RCAN1: variants seen among roughly 807,000 people sequenced by gnomAD.
RCAN1 encodes calcipressin-1.
In RCAN1, 11 loss-of-function variants were observed where a neutral mutation model predicts 22.9. That is an observed-to-expected ratio of 0.48 (90% CI 0.30 to 0.79). The LOEUF (loss-of-function observed/expected upper bound fraction) is 0.79, where lower values mean the gene tolerates loss of function less well. RCAN1 is among the 30% of genes least tolerant of loss of function. RCAN1 has a pLI of 0.06. For synonymous variants in RCAN1, 136 were observed against 142.3 expected (o/e 0.96, Z 0.32); for missense variants, 291 against 337.8 (o/e 0.86, Z 1.09).
At chr21:34,530,448 T>C (rs1985315865) in intron 1 of RCAN1, among the ~76,000 whole-genome samples, 1 of 152,108 alleles carries the variant, frequency 6.6e-6, no homozygotes, top group Admixed American at 6.5e-5. Context: ...GCACCAAGAA[T>C]GTGCCCCCTG....
At chr21:34,588,034 C>T (rs1402996076) in intron 1 of RCAN1, among the ~76,000 whole-genome samples, 1 of 152,164 alleles carries the variant, frequency 6.6e-6, no homozygotes, top group African/African-American at 2.4e-5. Context: ...CCTGTCAACC[C>T]ACCCTGGAGA....
chr21:34,531,844 T>C (rs542969634), intron 1 of RCAN1, among the ~76,000 whole-genome samples: 3 of 152,228 alleles, frequency 2.0e-5, no homozygotes, highest in Admixed American at 6.5e-5. Flanking sequence ...CCCCTTTCCT[T>C]TCCTTCCTTA....
chr21:34,569,740 T>C (rs1051434703), intron 1 of RCAN1, among the ~76,000 whole-genome samples: 2 of 152,266 alleles, frequency 1.3e-5, no homozygotes, highest in Non-Finnish European at 2.9e-5. Context: ...TAGGTGTTTA[T>C]ATATATCATC....
At chr21:34,591,455 A>G (rs1338907634) in intron 1 of RCAN1, among the ~76,000 whole-genome samples, 4 of 152,178 alleles carry the variant, frequency 2.6e-5, no homozygotes, top group Non-Finnish European at 4.4e-5. Flanking sequence ...GAAGGCAAGC[A>G]TGGGCCCTGG....
At chr21:34,546,638 C>T (rs993758912) in intron 1 of RCAN1, among the ~76,000 whole-genome samples, 4 of 152,164 alleles carry the variant, frequency 2.6e-5, no homozygotes, top group African/African-American at 9.7e-5. Context: ...TGCTCACATA[C>T]TAACAATAAT....
At chr21:34,591,794 C>T (rs1019150972) in intron 1 of RCAN1, among the ~76,000 whole-genome samples, 5 of 152,138 alleles carry the variant, frequency 3.3e-5, no homozygotes, top group African/African-American at 9.7e-5. Flanking sequence ...GCCATCATCT[C>T]GATGCACCAA....
chr21:34,573,074 A>C (rs959943570), intron 1 of RCAN1, among the ~76,000 whole-genome samples: 16 of 152,208 alleles, frequency 1.1e-4, no homozygotes, highest in African/African-American at 3.1e-4. Context: ...ATCCAAGCAA[A>C]TGTCAGCTAA....
In RCAN1 at chr21:34,521,661, G is replaced by T; in HGVS notation, c.427-3C>A. The T allele has an allele frequency of 6.2e-7, 1 of 1,605,936 alleles. No homozygotes were observed. The highest frequency in any genetic ancestry group is 8.5e-7 in the Non-Finnish European group (1 of 1,176,006). ...TGTGAGCTTCCTATGTGTAAGGTCT[G>T]AGGAGAGAAAATAAGCACAGGTCAG... On this transcript the variant is annotated splice_polypyrimidine_tract_variant and splice_region_variant and intron_variant, in intron 2 of 3. Transcript: ENST00000313806.
chr21:34,539,520 G>A (rs1464998482), intron 1 of RCAN1, among the ~76,000 whole-genome samples: 3 of 152,176 alleles, frequency 2.0e-5, no homozygotes, highest in Non-Finnish European at 4.4e-5. Context: ...TTAGATTCTA[G>A]CATGAATTTC....
chr21:34,614,334 A>G lies in RCAN1; in HGVS notation c.252+426T>C. On this transcript the variant is annotated intron_variant, in intron 1 of 3. Coordinates refer to ENST00000313806, the MANE Select transcript of RCAN1 (RefSeq NM_004414.7). The surrounding 1 kb of genome is among the most constrained non-coding windows in gnomAD (Gnocchi z 6.0). ...ATTGGGAATGCAGGGACGTCGTCCT[A>G]TTTATGAACACTGAGTCACGTCGCC... 1.0e-6 allele frequency: 1 copy of G among 990,170 alleles called. No individual in the cohort carries two copies. Among genetic ancestry groups the G allele is most frequent in the Admixed American group, 6.1e-5 (1 of 16,430 alleles). 61.3% of individuals were successfully genotyped at this position (990,170 alleles called of 1,614,324 possible).
chr21:34,560,507 T>C (rs1385915879), intron 1 of RCAN1, among the ~76,000 whole-genome samples: 2 of 152,198 alleles, frequency 1.3e-5, no homozygotes, highest in Admixed American at 6.5e-5. Flanking sequence ...GATACTTATT[T>C]TAAGATTGTT....
chr21:34,603,347 A>G (rs1248620370), intron 1 of RCAN1, among the ~76,000 whole-genome samples: 1 of 77,464 alleles, frequency 1.3e-5, no homozygotes, highest in Non-Finnish European at 3.1e-5. Flanking sequence ...TTCCCTGGCA[A>G]TATTACCGGG....
intron 1 of RCAN1, among the ~76,000 whole-genome samples, chr21:34,569,853 G>A (rs1987172854): frequency 6.6e-6 from 1 of 152,214 alleles, no homozygotes; most frequent in Non-Finnish European, 1.5e-5. Context: ...TCAAGACTTT[G>A]CCCAGGGACA....
At chr21:34,530,033 T>C (rs1214182087) in intron 1 of RCAN1, among the ~76,000 whole-genome samples, 2 of 152,190 alleles carry the variant, frequency 1.3e-5, no homozygotes, top group Admixed American at 6.5e-5. Context: ...GAACTGTAAG[T>C]CCAATTAAAC....
chr21:34,603,402 C>T (rs1988424271), intron 1 of RCAN1, among the ~76,000 whole-genome samples: 2 of 152,192 alleles, frequency 1.3e-5, no homozygotes, highest in African/African-American at 4.8e-5. Flanking sequence ...TTGTATGCTC[C>T]GGGTTCTTTT....
chr21:34,565,902 C>G (rs545143423), intron 1 of RCAN1, among the ~76,000 whole-genome samples: 3 of 152,330 alleles, frequency 2.0e-5, no homozygotes, highest in South Asian at 4.1e-4. Flanking sequence ...GGAGCTCACA[C>G]CTGGGTTTTG....
chr21:34,529,976 G>A lies in RCAN1; in HGVS notation c.253-6266C>T, dbSNP rs1239085816. Among the ~76,000 whole-genome samples, 4 of 152,306 alleles carry A rather than the reference G, an allele frequency of 2.6e-5. No homozygotes were observed. In the East Asian group the frequency reaches 5.8e-4, roughly 22 times the overall value. ...TTCCCTTGCTGCCGCCATGTAAGAA[G>A]TGTCTTTCACCTCCCGCCGTGATTC... is the stretch of plus-strand genomic sequence containing the variant. On this transcript the variant is annotated intron_variant, in intron 1 of 3. Coordinates refer to ENST00000313806, the MANE Select transcript of RCAN1 (RefSeq NM_004414.7).
In RCAN1 at chr21:34,517,936, C is replaced by T. The variant is rs1000389345; in HGVS notation, c.*148G>A. 1.3e-5 allele frequency: 12 copies of T among 922,284 alleles called. No individual in the cohort carries two copies. In the Admixed American group the frequency reaches 2.4e-4, roughly 18 times the overall value. 57.1% of individuals were successfully genotyped at this position (922,284 alleles called of 1,614,324 possible). ...GCAGCATTAGAACAAGGGGACACGG[C>T]CTTGATTCTCTTCTGAGCAACATGA... On this transcript the variant is annotated 3_prime_UTR_variant, in exon 4 of 4. Transcript: ENST00000313806.
intron 1 of RCAN1, among the ~76,000 whole-genome samples, chr21:34,547,635 G>A (rs1986201636): frequency 6.6e-6 from 1 of 152,180 alleles, no homozygotes; most frequent in Non-Finnish European, 1.5e-5. Flanking sequence ...AGGAGGCCAC[G>A]AGGGCAGAGC....
Sources: gnomAD v4.1 joint callset for allele counts (sites outside exome capture counted in the v4.1 genomes callset) on GRCh38, gnomAD v4.1.1 for gene constraint, Gnocchi (gnomAD v3.1) non-coding constraint, MANE v1.5 for transcripts, NCBI Gene and HGNC (gene_info 2026-07-23, HGNC 2026-07-21) for gene names.